FAF1: variants seen among roughly 807,000 people sequenced by gnomAD.
The protein encoded by FAF1 is Fas associated factor 1, also known as FAS-associated factor 1.
Under a neutral mutation model 92.5 loss-of-function variants are expected in FAF1, and 25 were observed. The observed-to-expected ratio is 0.27, with a 90% CI of 0.20 to 0.38. The LOEUF (loss-of-function observed/expected upper bound fraction) is 0.38. FAF1 is among the 10% of genes least tolerant of loss of function. FAF1 has a pLI of 1.00. For synonymous variants in FAF1, 234 were observed against 273.2 expected, an observed-to-expected ratio of 0.86 and a Z score of 1.42; for missense variants, 636 against 793.3, an observed-to-expected ratio of 0.80 and a Z score of 2.38.
At chr1:50,554,364 A>AATATATAT (rs149420376) in intron 13 of FAF1, among the ~76,000 whole-genome samples, 37 of 117,184 alleles carry the variant, frequency 3.2e-4, no homozygotes, top group African/African-American at 5.7e-4. Flanking sequence ...AAATGAGGTA[A>AATATATAT]ATATATATAT....
chr1:50,806,882 A>T (rs530289876), intron 2 of FAF1, among the ~76,000 whole-genome samples: 6 of 152,166 alleles, frequency 3.9e-5, no homozygotes, highest in Non-Finnish European at 7.4e-5. Context: ...CAAACAAACA[A>T]ACACATTCAA....
At chr1:50,863,286 A>C (rs1183056880) in intron 1 of FAF1, among the ~76,000 whole-genome samples, 2 of 151,992 alleles carry the variant, frequency 1.3e-5, no homozygotes, top group Non-Finnish European at 2.9e-5. Context: ...AATGAAATCA[A>C]AATGGAAACT....
chr1:50,455,327 T>C (rs1182107078), intron 18 of FAF1, among the ~76,000 whole-genome samples: 1 of 152,232 alleles, frequency 6.6e-6, no homozygotes, highest in African/African-American at 2.4e-5. Flanking sequence ...TTCAATGCAT[T>C]TGAATAACCT....
intron 15 of FAF1, among the ~76,000 whole-genome samples, chr1:50,509,088 C>A (rs911480756): frequency 5.3e-5 from 8 of 150,994 alleles, no homozygotes; most frequent in African/African-American, 2.0e-4. Flanking sequence ...GGAGGCCATA[C>A]AAGCTGCTGT....
At chr1:50,652,337 A>T (rs1654905948) in intron 8 of FAF1, among the ~76,000 whole-genome samples, 1 of 152,228 alleles carries the variant, frequency 6.6e-6, no homozygotes, top group Admixed American at 6.5e-5. Flanking sequence ...CTCATAAAAG[A>T]CCATGCCAAC....
chr1:50,737,807 G>GT (rs1156339587), intron 6 of FAF1, among the ~76,000 whole-genome samples: 1 of 152,110 alleles, frequency 6.6e-6, no homozygotes, highest in Non-Finnish European at 1.5e-5. Context: ...TTGGCAAGTG[G>GT]TGGGGGGAAA....
chr1:50,839,148 T>C (rs1228641562), intron 2 of FAF1, among the ~76,000 whole-genome samples: 2 of 152,086 alleles, frequency 1.3e-5, no homozygotes, highest in Non-Finnish European at 2.9e-5. Flanking sequence ...GCTTGCTTAA[T>C]GACTGCATAT....
At chr1:50,650,779 A>G (rs114069560) in intron 8 of FAF1, among the ~76,000 whole-genome samples, 1,975 of 152,258 alleles carry the variant, frequency 0.013, 41 homozygotes, top group African/African-American at 0.043. Context: ...TATTTCTCCT[A>G]TCTAGAAACC....
At chr1:50,682,183 G>C (rs76508122) in intron 7 of FAF1, among the ~76,000 whole-genome samples, 3,030 of 152,070 alleles carry the variant, frequency 0.02, 102 homozygotes, top group African/African-American at 0.07. Context: ...TGTACCTCTA[G>C]AGATAGAGGG....
chr1:50,948,528 CTTTT>C (rs1215826411), intron 1 of FAF1, among the ~76,000 whole-genome samples: 1 of 148,812 alleles, frequency 6.7e-6, no homozygotes, highest in Non-Finnish European at 1.5e-5. Context: ...TTTTTCTTTT[CTTTT>C]TCTTTTTTTT....
At chr1:50,910,053 G>A (rs1031233917) in intron 1 of FAF1, among the ~76,000 whole-genome samples, 1 of 152,144 alleles carries the variant, frequency 6.6e-6, no homozygotes, top group Admixed American at 6.5e-5. Flanking sequence ...ACGTACAGAC[G>A]GGGTTTTGGT....
At chr1:50,708,539 T>C (rs976299811) in intron 6 of FAF1, among the ~76,000 whole-genome samples, 28 of 150,658 alleles carry the variant, frequency 1.9e-4, no homozygotes, top group African/African-American at 6.1e-4. Context: ...AAAAATGTCA[T>C]GTAGAGTTGA....
At chr1:50,817,760 T>C (rs1226545267) in intron 2 of FAF1, among the ~76,000 whole-genome samples, 1 of 152,128 alleles carries the variant, frequency 6.6e-6, no homozygotes, top group Admixed American at 6.5e-5. Context: ...AAAATTAGAT[T>C]ATAGTGTTGG....
rs113808476 is a variant in FAF1 at position 50,715,337 on chromosome 1, T to C, written c.552-9446A>G. The stretch of plus-strand genomic sequence containing the variant: ...GGGGTGGGAGCCAGGCACAGTGCTG[T>C]GTGCCTGTAATCCCAGCTACTTAGG... On this transcript the variant is annotated intron_variant, in intron 6 of 18. Coordinates refer to ENST00000396153, the MANE Select transcript of FAF1 (RefSeq NM_007051.3). Among the ~76,000 whole-genome samples the C allele has an allele frequency of 2.5e-3, 384 of 152,308 alleles. 1 individual carries two copies. Among genetic ancestry groups the C allele is most frequent in the South Asian group, 0.011 (52 of 4,830 alleles).
rs530939719 is a variant in FAF1, at chr1:50,583,397, AT to A, written c.1031+254del. Among the ~76,000 whole-genome samples the A allele has an allele frequency of 2.1e-3, 318 of 152,112 alleles. 3 individuals are homozygous for A. Among genetic ancestry groups the A allele is most frequent in the African/African-American group, 7.6e-3 (314 of 41,572 alleles). On this transcript the variant is annotated intron_variant, in intron 11 of 18. Transcript: ENST00000396153. This position sits in a 1 kb window ranked among gnomAD's most constrained non-coding sequence, Gnocchi z 4.2. ...TATATCCTAGTCCTTTGGGAATATA[AT>A]AAAAATATTAAATTAGGATCCATTT... is the stretch of plus-strand genomic sequence containing the variant.
rs1655378726 is a variant in FAF1, at chr1:50,661,611, T to A, written c.658-6083A>T. On this transcript the variant is annotated intron_variant, in intron 7 of 18. Coordinates refer to ENST00000396153, the MANE Select transcript of FAF1 (RefSeq NM_007051.3). ...AGACCGAATTTTAAATATATCAAAC[T>A]TAAGCTCCCAGTGCATCGCATTATC... Among the ~76,000 whole-genome samples, 5 of 152,292 alleles carry A rather than the reference T, an allele frequency of 3.3e-5. No homozygotes were observed. The South Asian group carries it at 1.0e-3, about 32-fold the overall frequency.
At chr1:50,517,492 C>A (rs1460833707) in intron 15 of FAF1, among the ~76,000 whole-genome samples, 1 of 152,038 alleles carries the variant, frequency 6.6e-6, no homozygotes, top group Non-Finnish European at 1.5e-5. Flanking sequence ...ATACTAGGTA[C>A]CAGTGCATGT....
At chr1:50,508,867 A>AT (rs376914699) in intron 15 of FAF1, among the ~76,000 whole-genome samples, 1 of 151,826 alleles carries the variant, frequency 6.6e-6, no homozygotes, top group East Asian at 1.9e-4. Context: ...CACCCTGCTA[A>AT]TTTTTTTTGC....
intron 1 of FAF1, among the ~76,000 whole-genome samples, chr1:50,955,275 C>T (rs778886365): frequency 6.6e-6 from 1 of 152,156 alleles, no homozygotes; most frequent in African/African-American, 2.4e-5. Context: ...CTCTTTGTTA[C>T]AAAACCATTA....
Sources: allele counts gnomAD v4.1 joint callset (sites outside exome capture counted in the v4.1 genomes callset), GRCh38; gene constraint gnomAD v4.1.1; non-coding constraint Gnocchi (gnomAD v3.1); transcripts MANE v1.5; gene names NCBI Gene and HGNC (gene_info 2026-07-23, HGNC 2026-07-21).